The following DIAPH2 variants were observed in gnomAD, a reference collection of about 807,000 sequenced individuals.
DIAPH2 encodes protein diaphanous homolog 2.
DIAPH2 carries 35 observed loss-of-function variants against 92.7 expected under a neutral mutation model. The observed-to-expected ratio is 0.38, with a 90% CI of 0.29 to 0.50. The LOEUF (loss-of-function observed/expected upper bound fraction) is 0.50. DIAPH2 is among the 20% of genes least tolerant of loss of function. DIAPH2 has a pLI of 0.94. For missense variants in DIAPH2, 701 were observed against 819.5 expected (o/e 0.86, Z 1.77); for synonymous variants, 301 against 280.4 (o/e 1.07, Z -0.73).
intron 17 of DIAPH2, among the ~76,000 whole-genome samples, chrX:97,031,245 C>T (rs1056565675): frequency 1.0e-5 from 1 of 100,434 alleles, no homozygotes; most frequent in Non-Finnish European, 2.0e-5. Flanking sequence ...AGGCCACTGG[C>T]TATTGGAGCC....
chrX:97,464,179 C>G (rs1366518130), intron 26 of DIAPH2, among the ~76,000 whole-genome samples: 1 of 107,336 alleles, frequency 9.3e-6, no homozygotes, highest in Non-Finnish European at 1.9e-5. Flanking sequence ...ATAAGTTGCT[C>G]TCAGGCCGGG....
intron 17 of DIAPH2, among the ~76,000 whole-genome samples, chrX:96,988,558 A>G (rs188234872): frequency 1.1e-4 from 12 of 111,019 alleles, no homozygotes; most frequent in African/African-American, 3.9e-4. Flanking sequence ...GTTGACAGAA[A>G]AAGTGGTCAG....
At chrX:96,862,321 C>T (rs749361374) in intron 4 of DIAPH2, among the ~76,000 whole-genome samples, 111 of 111,924 alleles carry the variant, frequency 9.9e-4, no homozygotes, top group African/African-American at 3.5e-3. Flanking sequence ...TTATTAACAA[C>T]AAGCACAATG....
At chrX:96,818,542 C>T (rs1005296099) in intron 4 of DIAPH2, among the ~76,000 whole-genome samples, 1 of 111,273 alleles carries the variant, frequency 9.0e-6, no homozygotes, top group African/African-American at 3.3e-5. Flanking sequence ...CATATGGCTA[C>T]TTAAATTTAA....
intron 10 of DIAPH2, among the ~76,000 whole-genome samples, chrX:96,931,897 T>G (rs943815226): frequency 9.0e-6 from 1 of 111,341 alleles, no homozygotes; most frequent in Non-Finnish European, 1.9e-5. Flanking sequence ...CCTGAAGCAG[T>G]TCTTTCATTC....
chrX:97,471,917 G>A (rs1222323733), intron 26 of DIAPH2, among the ~76,000 whole-genome samples: 2 of 110,726 alleles, frequency 1.8e-5, no homozygotes, highest in South Asian at 3.8e-4. Context: ...CGCAGCTGGT[G>A]AATGGCTGAA....
At chrX:97,156,988 C>G (rs1384360466) in intron 22 of DIAPH2, among the ~76,000 whole-genome samples, 1 of 111,564 alleles carries the variant, frequency 9.0e-6, no homozygotes, top group Non-Finnish European at 1.9e-5. Context: ...GAGGCTGAGA[C>G]TTGCTGGGCT....
intron 20 of DIAPH2, among the ~76,000 whole-genome samples, chrX:97,102,478 A>G (rs2066912538): frequency 8.9e-6 from 1 of 111,818 alleles, no homozygotes; most frequent in Non-Finnish European, 1.9e-5. Flanking sequence ...GAAAAAGAGG[A>G]GCTCCATTAT....
intron 17 of DIAPH2, among the ~76,000 whole-genome samples, chrX:96,988,560 A>C (rs951495531): frequency 3.6e-5 from 4 of 110,929 alleles, no homozygotes; most frequent in African/African-American, 1.3e-4. Flanking sequence ...TGACAGAAAA[A>C]GTGGTCAGAG....
chrX:97,304,917 G>C (rs1237944035), intron 23 of DIAPH2, among the ~76,000 whole-genome samples: 1 of 111,831 alleles, frequency 8.9e-6, no homozygotes, highest in Non-Finnish European at 1.9e-5. Context: ...TTTTGCATTT[G>C]TTCTTAGGTA....
chrX:96,839,398 C>T (rs866882317), intron 4 of DIAPH2, among the ~76,000 whole-genome samples: 2 of 111,051 alleles, frequency 1.8e-5, no homozygotes, highest in Non-Finnish European at 3.8e-5. Flanking sequence ...CCTCCTATGA[C>T]TAAAATGTCC....
chrX:97,170,609 C>T (rs1180276968), intron 22 of DIAPH2, among the ~76,000 whole-genome samples: 1 of 111,385 alleles, frequency 9.0e-6, no homozygotes, highest in African/African-American at 3.3e-5. Context: ...GAAGTATTTT[C>T]TTCTAAAGCT....
chrX:97,106,526 G>A (rs1177836440), intron 20 of DIAPH2, among the ~76,000 whole-genome samples: 13 of 111,798 alleles, frequency 1.2e-4, no homozygotes, highest in African/African-American at 3.9e-4. Flanking sequence ...AGGTCAGTAG[G>A]TGTCAATTAA....
At chrX:96,782,252 C>T (rs2064422972) in intron 4 of DIAPH2, among the ~76,000 whole-genome samples, 1 of 111,786 alleles carries the variant, frequency 8.9e-6, no homozygotes, top group Non-Finnish European at 1.9e-5. Context: ...GTGCATGCCA[C>T]CACACCCGGC....
chrX:96,923,107 T>A (rs1236573668), intron 9 of DIAPH2, among the ~76,000 whole-genome samples: 1 of 111,525 alleles, frequency 9.0e-6, no homozygotes, highest in African/African-American at 3.3e-5. Context: ...GAATAATGGT[T>A]TATAGAACGG....
chrX:97,148,645 G>A (rs1309107438), intron 22 of DIAPH2, among the ~76,000 whole-genome samples: 1 of 110,358 alleles, frequency 9.1e-6, no homozygotes, highest in African/African-American at 3.3e-5. Flanking sequence ...AGCTAAACAG[G>A]GTCCTGCCTG....
At chrX:97,420,004 AT>A (rs1005563743) in intron 25 of DIAPH2, among the ~76,000 whole-genome samples, 8 of 110,283 alleles carry the variant, frequency 7.3e-5, no homozygotes, top group South Asian at 3.8e-4. Flanking sequence ...CGAATGTGAG[AT>A]TTTTTTTTCC....
chrX:97,398,077 T>G (rs1190507443), intron 25 of DIAPH2, among the ~76,000 whole-genome samples: 1 of 112,156 alleles, frequency 8.9e-6, no homozygotes, highest in African/African-American at 3.2e-5. Flanking sequence ...TTAACCGACC[T>G]CATTCTACTG....
intron 26 of DIAPH2, among the ~76,000 whole-genome samples, chrX:97,525,643 A>G (rs953964171): frequency 9.8e-5 from 11 of 112,666 alleles, no homozygotes; most frequent in African/African-American, 3.5e-4. Flanking sequence ...TGAATGAACA[A>G]AAGAACAAAC....
Sources: gnomAD v4.1 joint callset for allele counts (sites outside exome capture counted in the v4.1 genomes callset) on GRCh38, gnomAD v4.1.1 for gene constraint, MANE v1.5 for transcripts, NCBI Gene and HGNC (gene_info 2026-07-23, HGNC 2026-07-21) for gene names.